GTF2F1: variants seen among roughly 807,000 people sequenced by gnomAD.
GTF2F1 encodes general transcription factor IIF 74 kDa subunit.
A neutral mutation model predicts 63.5 loss-of-function variants in GTF2F1; 39 were observed. That is an observed-to-expected ratio of 0.61 (90% CI 0.48 to 0.80). GTF2F1 has a LOEUF of 0.80. Ranked by LOEUF, GTF2F1 falls within the 30% of genes least tolerant of loss-of-function variation. The pLI is 0.00. For missense variants in GTF2F1, 657 were observed against 718.3 expected (o/e 0.91, Z 0.97); for synonymous variants, 287 against 285.3 (o/e 1.01, Z -0.06).
In GTF2F1 at chr19:6,380,197, T is replaced by C. The variant is rs2091940961; in HGVS notation, c.*84A>G. 7 of 1,161,082 alleles carry C rather than the reference T, an allele frequency of 6.0e-6. No individual in the cohort carries two copies. In the South Asian group the frequency reaches 7.4e-5, roughly 12 times the overall value. The allele number at this position is 1,161,082 out of a possible 1,614,324, so 71.9% of individuals were successfully genotyped here. ...AAGTTCTGGAGGGCAGAGCCATGTATTGGACAGAGCCTCACTCTAGGATGG... is the reference window on the plus strand; with the variant it reads ...AAGTTCTGGAGGGCAGAGCCATGTACTGGACAGAGCCTCACTCTAGGATGG... On this transcript the variant is annotated 3_prime_UTR_variant, in exon 13 of 13. Transcript: ENST00000394456. The surrounding 1 kb of genome is among the most constrained non-coding windows in gnomAD (Gnocchi z 5.3).
chr19:6,387,618 C>A, intron 4 of GTF2F1, 59 bp from the exon 5 acceptor site: 3 of 1,375,168 alleles, frequency 2.2e-6, no homozygotes, highest in Middle Eastern at 1.8e-4. Context: ...CCCCCCGTGT[C>A]CCCCCGGGGC....
intron 2 of GTF2F1, chr19:6,392,190 T>C: frequency 1.6e-6 from 1 of 607,212 alleles, no homozygotes; most frequent in Non-Finnish European, 3.1e-6. Flanking sequence ...TTCAATTCAC[T>C]CAACAAACCC....
In GTF2F1 at chr19:6,381,920, TCA is replaced by T. The variant is rs2091953929; in HGVS notation, c.683-72_683-71del. ...AGGCAGTGGGTATTTATTGTGTTTT[TCA>T]CATTTTGTGCAGTTTTGACATCCTG... On this transcript the variant is annotated intron_variant, in intron 6 of 12. Transcript: ENST00000394456. This position sits in a 1 kb window ranked among gnomAD's most constrained non-coding sequence, Gnocchi z 4.1. The T allele has an allele frequency of 7.3e-7, 1 of 1,368,274 alleles. No individual in the cohort carries two copies. Among genetic ancestry groups the T allele is most frequent in the South Asian group, 1.2e-5 (1 of 82,602 alleles). 84.8% of individuals were successfully genotyped at this position (1,368,274 alleles called of 1,614,324 possible). A position where few individuals can be genotyped will look rare whatever the true frequency, so the allele number is the denominator to read the frequency against.
rs753918082 is a variant in GTF2F1, at chr19:6,381,547, C to T, written c.898+7G>A. On this transcript the variant is annotated splice_region_variant and intron_variant, in intron 8 of 12. Coordinates refer to ENST00000394456, the MANE Select transcript of GTF2F1 (RefSeq NM_002096.3). This position sits in a 1 kb window ranked among gnomAD's most constrained non-coding sequence, Gnocchi z 4.1. ...CCATCTCCCCGGCCCGCCCAGCCAT[C>T]GCCTACCCTTGGGCCCCTCCTCCTG... The T allele has an allele frequency of 2.1e-5, 34 of 1,612,550 alleles. No individual in the cohort carries two copies. Among genetic ancestry groups the T allele is most frequent in the Non-Finnish European group, 2.8e-5 (33 of 1,180,016 alleles).
Position 6,381,090 on chromosome 19 carries a change from C to T in GTF2F1, c.1092+32G>A. ...GTGGGTGAGTCTGCAAACAGACGCC[C>T]AGGCCTCCCCCGCCACCGGGCTGGG... is the stretch of plus-strand genomic sequence containing the variant. On this transcript the variant is annotated intron_variant, in intron 10 of 12. Coordinates refer to ENST00000394456, the MANE Select transcript of GTF2F1 (RefSeq NM_002096.3). The surrounding 1 kb of genome is among the most constrained non-coding windows in gnomAD (Gnocchi z 4.1). 6.2e-7 allele frequency: 1 copy of T among 1,605,394 alleles called. No individual in the cohort carries two copies. Among genetic ancestry groups the T allele is most frequent in the Non-Finnish European group, 8.5e-7 (1 of 1,176,124 alleles).
At chr19:6,391,439 G>GCT (rs2091996735) in intron 3 of GTF2F1, among the ~76,000 whole-genome samples, 1 of 87,418 alleles carries the variant, frequency 1.1e-5, no homozygotes. Flanking sequence ...TGCCATTTCC[G>GCT]TTTTTTTTTT....
intron 5 of GTF2F1, chr19:6,387,151 C>T: frequency 2.0e-6 from 1 of 508,574 alleles, no homozygotes; most frequent in South Asian, 2.7e-5. Context: ...CCCTGCTCTG[C>T]CAATTTGAGC....
At position 6,381,695 on chromosome 19, in the gene GTF2F1, A is replaced by C; in HGVS notation, c.836+2T>G. 6.2e-7 allele frequency: 1 copy of C among 1,614,136 alleles called. No individual in the cohort carries two copies. Among genetic ancestry groups the C allele is most frequent in the Non-Finnish European group, 8.5e-7 (1 of 1,180,026 alleles). On this transcript the variant is annotated splice_donor_variant, in intron 7 of 12. Coordinates refer to ENST00000394456, the MANE Select transcript of GTF2F1 (RefSeq NM_002096.3). LOFTEE classifies it high-confidence loss of function. This position sits in a 1 kb window ranked among gnomAD's most constrained non-coding sequence, Gnocchi z 4.1. ...CTCGCAGGCGCCTCCCGTCGGCCTC[A>C]CCTGGAGCCGTCTGACATGTAGTCC...
intron 2 of GTF2F1, chr19:6,392,542 G>T: frequency 1.8e-6 from 1 of 571,192 alleles, no homozygotes; most frequent in Non-Finnish European, 3.2e-6. Context: ...GGAAAGGAAA[G>T]ACAGCCTGAC....
chr19:6,392,319 G>C, intron 2 of GTF2F1: 4 of 483,826 alleles, frequency 8.3e-6, no homozygotes, highest in South Asian at 6.2e-5. Context: ...AAGAAGAGCA[G>C]ATGGAGGGAC....
At chr19:6,389,246 A>G (rs550522433) in intron 4 of GTF2F1, among the ~76,000 whole-genome samples, 198 bp downstream of exon 4, 1 of 151,488 alleles carries the variant, frequency 6.6e-6, no homozygotes, top group Non-Finnish European at 1.5e-5. Flanking sequence ...AAAAAAATAC[A>G]AGTAAGTAAA....
intron 5 of GTF2F1, chr19:6,387,001 C>T: frequency 1.2e-5 from 3 of 240,594 alleles, no homozygotes; most frequent in East Asian, 1.1e-4. Context: ...CAGCCCTTAA[C>T]TGCACCCGCC....
At chr19:6,392,443 C>T (rs944317708) in intron 2 of GTF2F1, 5 of 497,702 alleles carry the variant, frequency 1.0e-5, no homozygotes, top group African/African-American at 1.9e-5. Flanking sequence ...TTGAGTTTTG[C>T]AGAATCATCA....
Position 6,380,155 on chromosome 19 carries a change from G to A in GTF2F1, c.*126C>T. On this transcript the variant is annotated 3_prime_UTR_variant, in exon 13 of 13. Coordinates refer to ENST00000394456, the MANE Select transcript of GTF2F1 (RefSeq NM_002096.3). This position sits in a 1 kb window ranked among gnomAD's most constrained non-coding sequence, Gnocchi z 5.3. Reference sequence around the variant, plus strand: ...GTCAGGGAGCAAGCAGGATGTCGAAGGGTCACTGAGAGCCTGAAGTTCTGG... The same window carrying A: ...GTCAGGGAGCAAGCAGGATGTCGAAAGGTCACTGAGAGCCTGAAGTTCTGG... 2.4e-6 allele frequency: 2 copies of A among 838,070 alleles called. No individual in the cohort carries two copies. The highest frequency in any genetic ancestry group is 2.4e-5 in the East Asian group (1 of 41,098). The allele number at this position is 838,070 out of a possible 1,614,324, so 51.9% of individuals were successfully genotyped here. A position where few individuals can be genotyped will look rare whatever the true frequency, so the allele number is the denominator to read the frequency against.
In GTF2F1 at chr19:6,391,957, T is replaced by C. The variant is rs768227538; in HGVS notation, c.77A>G (p.Tyr26Cys). The C allele has an allele frequency of 2.5e-6, 4 of 1,574,582 alleles. No homozygotes were observed. In the Admixed American group the frequency reaches 7.4e-5, roughly 29 times the overall value. The change falls in exon 3 of 13, where the codon TAT (tyrosine) becomes TGT (cysteine). Residue 26 changes from tyrosine (Y) to cysteine (C), a missense_variant. This residue lies in a region of GTF2F1 where 602 missense variants were observed against 625.6 expected (regional missense o/e 0.96). Transcript: ENST00000394456. The part of the protein sequence containing the change: ...VRVPKNTTKK[Y>C]NIMAFNAADK... ...GGCTGCATTAAAAGCCATGATGTTA[T>C]ATTTTTTGGTTGTATTCCTGGAGTG...
intron 5 of GTF2F1, among the ~76,000 whole-genome samples, chr19:6,384,416 G>A (rs1469096152): frequency 6.6e-6 from 1 of 151,942 alleles, no homozygotes; most frequent in East Asian, 2.0e-4. Context: ...GCTGAGGGAG[G>A]AGAATCAATT....
intron 5 of GTF2F1, among the ~76,000 whole-genome samples, chr19:6,384,791 TC>T (rs1238175389): frequency 9.9e-5 from 15 of 151,982 alleles, no homozygotes; most frequent in Non-Finnish European, 1.9e-4. Context: ...TCTTTTCTTT[TC>T]TTTTCTTTTG....
chr19:6,389,094 G>A (rs920004759), intron 4 of GTF2F1, among the ~76,000 whole-genome samples: 1 of 151,998 alleles, frequency 6.6e-6, no homozygotes, highest in Non-Finnish European at 1.5e-5. Context: ...TTAGCTGGGC[G>A]TGGTGGTGGC....
rs150462935 is a variant in GTF2F1 at position 6,392,899 on chromosome 19, G to A, written c.17C>T (p.Pro6Leu). 3.7e-4 allele frequency: 602 copies of A among 1,614,162 alleles called. No homozygotes were observed. The highest frequency in any genetic ancestry group is 4.0e-4 in the Non-Finnish European group (470 of 1,180,020). MAALG[P>L]SSQNVTEYVV... is the part of the protein sequence containing the mutation. Reference sequence around the variant, plus strand: ...GTATTCAGTGACATTCTGGCTGCTAGGGCCCTGCGGAAAGAGGAAGCGGTG... The same window carrying A: ...GTATTCAGTGACATTCTGGCTGCTAAGGCCCTGCGGAAAGAGGAAGCGGTG... The change falls in exon 2 of 13, where the codon CCT becomes CTT. Residue 6 changes from proline (P) to leucine (L), a missense_variant. By Grantham distance (98) the Pro-to-Leu change is moderately conservative. Transcript: ENST00000394456.
Sources: gnomAD v4.1 joint callset for allele counts (sites outside exome capture counted in the v4.1 genomes callset) on GRCh38, gnomAD v4.1.1 for gene constraint, gnomAD v4.1.1 regional missense constraint, Gnocchi (gnomAD v3.1) non-coding constraint, MANE v1.5 for transcripts, NCBI Gene and HGNC (gene_info 2026-07-23, HGNC 2026-07-21) for gene names.